Variants in PDE10A observed in about 807,000 individuals in gnomAD.
PDE10A encodes the protein cAMP and cAMP-inhibited cGMP 3',5'-cyclic phosphodiesterase 10A.
PDE10A carries 39 observed loss-of-function variants against 97.7 expected under a neutral mutation model. The observed-to-expected ratio is 0.40, with a 90% CI of 0.31 to 0.52. The LOEUF (loss-of-function observed/expected upper bound fraction) is 0.52, where lower values mean the gene tolerates loss of function less well. PDE10A is among the 20% of genes least tolerant of loss of function. PDE10A has a pLI of 0.56. For missense variants in PDE10A, 731 were observed against 1,047.8 expected, an observed-to-expected ratio of 0.70 and a Z score of 4.17; for synonymous variants, 371 against 376.8, an observed-to-expected ratio of 0.98 and a Z score of 0.18.
intron 1 of PDE10A, among the ~76,000 whole-genome samples, chr6:165,952,011 T>C (rs986400502): frequency 2.0e-5 from 3 of 152,254 alleles, no homozygotes; most frequent in Non-Finnish European, 4.4e-5. Context: ...CTTTCCAACA[T>C]GTGCATCTCA....
rs1327740842 is a variant in PDE10A at position 165,544,503 on chromosome 6, G to A, written c.866-935C>T. ...TTGAATAATTATCCTTCAGTGACGG[G>A]AATTATTTTTACTACTGTATCTTTT... is the stretch of plus-strand genomic sequence containing the variant. On this transcript the variant is annotated intron_variant, in intron 1 of 21. Coordinates refer to ENST00000539869, the MANE Select transcript of PDE10A (RefSeq NM_001385079.1). Among the ~76,000 whole-genome samples the A allele has an allele frequency of 2.6e-5, 4 of 151,360 alleles. 1 individual carries two copies. Among genetic ancestry groups the A allele is most frequent in the African/African-American group, 9.7e-5 (4 of 41,152 alleles).
At chr6:165,755,702 G>C (rs1793101006) in intron 1 of PDE10A, among the ~76,000 whole-genome samples, 1 of 152,160 alleles carries the variant, frequency 6.6e-6, no homozygotes. Flanking sequence ...CAGGGAAAGA[G>C]GGGGCAGCTG....
chr6:165,375,278 T>A (rs1281176766), intron 18 of PDE10A, among the ~76,000 whole-genome samples: 1 of 152,160 alleles, frequency 6.6e-6, no homozygotes, highest in East Asian at 1.9e-4. Context: ...AAGTTGTGAA[T>A]GGAAAGAAAA....
chr6:165,715,492 G>A (rs968950453), intron 1 of PDE10A, among the ~76,000 whole-genome samples: 1 of 152,008 alleles, frequency 6.6e-6, no homozygotes, highest in Non-Finnish European at 1.5e-5. Flanking sequence ...GTTTTGGGTC[G>A]GCGAAAAGAC....
rs113268489 is a variant in PDE10A at position 165,683,967 on chromosome 6, C to T, written c.-614-140399G>A. ...GATATACCAGGTACTGAGACGGAAG[C>T]CTTGAGGCCTGAACACCTGCTGTTC... is the stretch of plus-strand genomic sequence containing the variant. On this transcript the variant is annotated intron_variant, in intron 1 of 19. Coordinates refer to the PDE10A transcript ENST00000366882. Among the ~76,000 whole-genome samples the T allele has an allele frequency of 4.1e-3, 627 of 152,260 alleles. 9 individuals are homozygous for T. The highest frequency in any genetic ancestry group is 0.014 in the African/African-American group (602 of 41,542).
intron 1 of PDE10A, among the ~76,000 whole-genome samples, chr6:165,707,152 C>T (rs1791730488): frequency 1.3e-5 from 2 of 152,224 alleles, no homozygotes; most frequent in African/African-American, 4.8e-5. Flanking sequence ...CTCAAAGTAG[C>T]TGGAATGGTG....
chr6:165,479,438 T>C lies in PDE10A; in HGVS notation c.1023+2877A>G, dbSNP rs143881355. ...GCCTCTGCAGTTCCTGTCTCCTCCTTCTGCTGATTCTCTCATTCCCTTCAG... is the reference window on the plus strand; with the variant it reads ...GCCTCTGCAGTTCCTGTCTCCTCCTCCTGCTGATTCTCTCATTCCCTTCAG... On this transcript the variant is annotated intron_variant, in intron 3 of 21. Coordinates refer to ENST00000539869, the MANE Select transcript of PDE10A (RefSeq NM_001385079.1). Among the ~76,000 whole-genome samples, 246 of 152,330 alleles carry C rather than the reference T, an allele frequency of 1.6e-3. 1 individual carries two copies. Among genetic ancestry groups the C allele is most frequent in the African/African-American group, 5.7e-3 (239 of 41,578 alleles).
intron 1 of PDE10A, among the ~76,000 whole-genome samples, chr6:165,758,505 A>AGAAGAAG (rs1481705078): frequency 2.7e-5 from 2 of 74,256 alleles, no homozygotes; most frequent in Non-Finnish European, 4.6e-5. Context: ...GAAAGAAGAA[A>AGAAGAAG]GAAGAAAGAA....
chr6:165,654,384 T>G (rs1280781465), intron 1 of PDE10A, among the ~76,000 whole-genome samples: 1 of 148,336 alleles, frequency 6.7e-6, no homozygotes, highest in East Asian at 2.1e-4. Context: ...GCTCTCCTCC[T>G]CGGCTCACTC....
At position 165,625,735 on chromosome 6, in the gene PDE10A, A is replaced by C. The variant is rs80174899; in HGVS notation, c.865+36212T>G. 7.1e-3 allele frequency among the ~76,000 whole-genome samples: 1,078 copies of C among 152,302 alleles called. 10 individuals are homozygous for C. The highest frequency in any genetic ancestry group is 0.022 in the East Asian group (112 of 5,184). On this transcript the variant is annotated intron_variant, in intron 1 of 21. Transcript: ENST00000539869. ...AATTCTCTCTTGCTGCCATGTAAGA[A>C]GTGCCTTTCACCTTCTGCCATGATT...
At chr6:165,587,571 G>A (rs1281022409) in intron 1 of PDE10A, among the ~76,000 whole-genome samples, 1 of 152,138 alleles carries the variant, frequency 6.6e-6, no homozygotes. Context: ...ATCACTGCAT[G>A]TTTCATTAAG....
intron 18 of PDE10A, among the ~76,000 whole-genome samples, chr6:165,354,699 G>C (rs1782912304): frequency 6.6e-6 from 1 of 152,174 alleles, no homozygotes; most frequent in Non-Finnish European, 1.5e-5. Context: ...GAAAAGGACA[G>C]GTGGAGGAGT....
intron 1 of PDE10A, among the ~76,000 whole-genome samples, chr6:165,769,312 C>T (rs1376745432): frequency 6.6e-6 from 1 of 152,122 alleles, no homozygotes; most frequent in Non-Finnish European, 1.5e-5. Flanking sequence ...TGGTGGACAG[C>T]ACAGCTTTAT....
Position 165,863,941 on chromosome 6 carries a change from G to A in PDE10A, c.-615+123588C>T, listed in dbSNP as rs142636900. On this transcript the variant is annotated intron_variant, in intron 1 of 19. Coordinates refer to the PDE10A transcript ENST00000366882. ...AGCATGGCTGTATTAGCAATACTGA[G>A]TGTCCTTAAGGCATAAATAACATGC... 8.1e-3 allele frequency among the ~76,000 whole-genome samples: 1,231 copies of A among 152,302 alleles called. 13 individuals are homozygous for A. The highest frequency in any genetic ancestry group is 0.01 in the Non-Finnish European group (714 of 68,024).
At chr6:165,650,154 G>A (rs1789605615) in intron 1 of PDE10A, among the ~76,000 whole-genome samples, 1 of 152,166 alleles carries the variant, frequency 6.6e-6, no homozygotes, top group Non-Finnish European at 1.5e-5. Context: ...CCAGGAGGAA[G>A]ACCATAAAAA....
At chr6:165,850,655 G>A (rs962511983) in intron 1 of PDE10A, among the ~76,000 whole-genome samples, 1 of 152,170 alleles carries the variant, frequency 6.6e-6, no homozygotes, top group Non-Finnish European at 1.5e-5. Flanking sequence ...GGAAGTGGCT[G>A]GCTGGGAAGG....
intron 13 of PDE10A, among the ~76,000 whole-genome samples, chr6:165,399,707 A>C (rs562813565): frequency 9.9e-5 from 15 of 151,986 alleles, no homozygotes; most frequent in Admixed American, 4.6e-4. Context: ...TAGTTTGCGG[A>C]GAATGATGGT....
chr6:165,921,871 T>A (rs1782762511), intron 1 of PDE10A, among the ~76,000 whole-genome samples: 1 of 152,198 alleles, frequency 6.6e-6, no homozygotes, highest in South Asian at 2.1e-4. Context: ...TGATGAGCTC[T>A]GAGCTGAGGA....
chr6:165,969,241 G>A (rs1468303847), intron 1 of PDE10A, among the ~76,000 whole-genome samples: 4 of 152,166 alleles, frequency 2.6e-5, no homozygotes, highest in African/African-American at 9.7e-5. Flanking sequence ...GTACAAATTA[G>A]CTTTCAAACT....
Sources: allele counts gnomAD v4.1 joint callset (sites outside exome capture counted in the v4.1 genomes callset), GRCh38; gene constraint gnomAD v4.1.1; transcripts MANE v1.5; gene names NCBI Gene and HGNC (gene_info 2026-07-23, HGNC 2026-07-21).